The following ZNF185 variants were observed in gnomAD, a reference collection of about 807,000 sequenced individuals.
ZNF185 encodes the protein zinc finger protein 185 with LIM domain, also known as zinc finger protein 185.
ZNF185 carries 56 observed loss-of-function variants against 58.6 expected under a neutral mutation model. The observed-to-expected ratio is 0.95, with a 90% CI of 0.77 to 1.19. The LOEUF is 1.19. ZNF185 is among the 50% of genes most tolerant of loss of function. The pLI is 0.00. For synonymous variants in ZNF185, 230 were observed against 215.9 expected (o/e 1.07, Z -0.57); for missense variants, 627 against 573.5 (o/e 1.09, Z -0.95).
intron 11 of ZNF185, among the ~76,000 whole-genome samples, chrX:152,927,786 C>T (rs1556873808): frequency 2.8e-5 from 3 of 105,864 alleles, no homozygotes; most frequent in Admixed American, 2.0e-4. Flanking sequence ...CAGGGCAGGC[C>T]TGGGGCTCAG....
the ZNF185 span, among the ~76,000 whole-genome samples, chrX:152,908,807 C>T: frequency 1.8e-5 from 2 of 113,501 alleles, no homozygotes; most frequent in East Asian, 5.6e-4. Flanking sequence ...GGGCCCACTC[C>T]TGGCTGACTC....
At chrX:152,970,342 C>T in intron 21 of ZNF185, 101 bp from the exon 24 acceptor site, 1 of 700,736 alleles carries the variant, frequency 1.4e-6, no homozygotes, top group Non-Finnish European at 2.2e-6. Context: ...CACGGGCTCA[C>T]AGCATCTGCT....
At position 152,948,455 on chromosome X, in the gene ZNF185, C is replaced by T. The variant is rs1423801477; in HGVS notation, c.1409+2991C>T. Among the ~76,000 whole-genome samples, 3 of 111,249 alleles carry T rather than the reference C, an allele frequency of 2.7e-5. No individual in the cohort carries two copies. The Admixed American group carries it at 2.9e-4, about 11-fold the overall frequency. ...AGAGGGTGCCTACGTGACCAGTCCCCGATAAAATCCTTGGACTCTGAGTCT... is the reference window on the plus strand; with the variant it reads ...AGAGGGTGCCTACGTGACCAGTCCCTGATAAAATCCTTGGACTCTGAGTCT... On this transcript the variant is annotated intron_variant, in intron 16 of 22. Transcript: ENST00000449285.
At position 152,949,270 on chromosome X, in the gene ZNF185, A is replaced by C. The variant is rs181462274; in HGVS notation, c.1409+3806A>C. On this transcript the variant is annotated intron_variant, in intron 16 of 22. Coordinates refer to ENST00000449285, the Ensembl canonical transcript of ZNF185. ...CACCTGAGGCAAGCCTCTGGCTTTC[A>C]GGTGGAGGCCCTACCTAGGCTGGCC... Among the ~76,000 whole-genome samples the C allele has an allele frequency of 2.7e-5, 3 of 112,541 alleles. No homozygotes were observed. The Admixed American group carries it at 2.8e-4, about 11-fold the overall frequency.
intron 12 of ZNF185, among the ~76,000 whole-genome samples, chrX:152,931,247 A>AATC (rs1556876994): frequency 8.9e-6 from 1 of 112,174 alleles, no homozygotes; most frequent in Non-Finnish European, 1.9e-5. Context: ...ATAATTGGCC[A>AATC]ATCTGTCAAT....
At chrX:152,962,508 C>A (rs2049617424) in intron 17 of ZNF185, among the ~76,000 whole-genome samples, 1 of 111,978 alleles carries the variant, frequency 8.9e-6, no homozygotes, top group Admixed American at 9.4e-5. Flanking sequence ...GGAGGTCTTC[C>A]TTCCTTCCTC....
intron 1 of ZNF185, 24 bp downstream of exon 2, chrX:152,914,547 C>G: frequency 4.3e-6 from 5 of 1,166,809 alleles, no homozygotes; most frequent in Non-Finnish European, 5.7e-6. Context: ...TCCCTGGTTT[C>G]CCAGGCTCTG....
intron 3 of ZNF185, among the ~76,000 whole-genome samples, chrX:152,916,502 CA>C (rs782632999): frequency 1.8e-5 from 2 of 112,161 alleles, no homozygotes; most frequent in Non-Finnish European, 3.8e-5. Context: ...TAATGTTTCC[CA>C]GCCGCTGAAC....
At chrX:152,914,869 T>TG (rs1556864449) in intron 2 of ZNF185, 36 bp downstream of exon 3, 1 of 1,163,600 alleles carries the variant, frequency 8.6e-7, no homozygotes, top group Non-Finnish European at 1.1e-6. Flanking sequence ...CGCAGCAACG[T>TG]GGGGGCGCGC....
At chrX:152,923,004 A>G (rs1397280287) in intron 11 of ZNF185, among the ~76,000 whole-genome samples, 195 bp downstream of exon 12, 3 of 112,480 alleles carry the variant, frequency 2.7e-5, no homozygotes, top group African/African-American at 9.7e-5. Context: ...TGGGCAGATA[A>G]TGGTGCTCTC....
At chrX:152,922,555 C>T (rs782078395) in intron 10 of ZNF185, among the ~76,000 whole-genome samples, 165 bp from the exon 12 acceptor site, 16 of 112,080 alleles carry the variant, frequency 1.4e-4, no homozygotes, top group African/African-American at 4.5e-4. Flanking sequence ...TTGAACACCC[C>T]AAGAAAAAGT....
At chrX:152,942,954 A>ATATC (rs1363690480) in intron 15 of ZNF185, among the ~76,000 whole-genome samples, 1 of 111,476 alleles carries the variant, frequency 9.0e-6, no homozygotes, top group Non-Finnish European at 1.9e-5. Context: ...AATATTATCT[A>ATATC]TATCTATATA....
chrX:152,955,618 C>T (rs956918988), intron 16 of ZNF185, among the ~76,000 whole-genome samples: 3 of 112,530 alleles, frequency 2.7e-5, no homozygotes, highest in Non-Finnish European at 5.6e-5. Context: ...AAAAAATTCC[C>T]CTTGGCTGGG....
intron 7 of ZNF185, 65 bp from the exon 9 acceptor site, chrX:152,920,263 C>A: frequency 8.8e-7 from 1 of 1,133,197 alleles, no homozygotes. Flanking sequence ...CCATCCCAGG[C>A]TAGGCTGGCA....
intron 14 of ZNF185, 122 bp from the exon 17 acceptor site, chrX:152,937,952 C>A (rs945534515): frequency 4.8e-6 from 3 of 624,363 alleles, no homozygotes; most frequent in Non-Finnish European, 7.4e-6. Flanking sequence ...GACTGAGACA[C>A]CAGCCTTTAC....
intron 15 of ZNF185, 35 bp downstream of exon 17, chrX:152,938,198 G>A (rs782771536): frequency 3.5e-6 from 4 of 1,141,748 alleles, no homozygotes; most frequent in Non-Finnish European, 3.5e-6. Flanking sequence ...AACTTCTGGG[G>A]TGGAGAGAGG....
chrX:152,952,086 C>G (rs1376894615), intron 16 of ZNF185, among the ~76,000 whole-genome samples: 1 of 111,942 alleles, frequency 8.9e-6, no homozygotes, highest in Non-Finnish European at 1.9e-5. Context: ...AGATATAATA[C>G]TAGCTTATTC....
chrX:152,902,511 A>C, the ZNF185 span, among the ~76,000 whole-genome samples: 1 of 112,870 alleles, frequency 8.9e-6, no homozygotes, highest in Admixed American at 9.3e-5. Context: ...AAAAATAAAA[A>C]TAAAACCCAA....
At chrX:152,959,498 A>C (rs2049242042) in intron 16 of ZNF185, among the ~76,000 whole-genome samples, 1 of 112,193 alleles carries the variant, frequency 8.9e-6, no homozygotes, top group South Asian at 3.7e-4. Context: ...CTTGTCAGAA[A>C]GGAGCAGCAC....
Sources: allele counts gnomAD v4.1 joint callset (sites outside exome capture counted in the v4.1 genomes callset), GRCh38; gene constraint gnomAD v4.1.1; transcripts MANE v1.5; gene names NCBI Gene and HGNC (gene_info 2026-07-23, HGNC 2026-07-21).